Variants in GAS2 observed in about 807,000 individuals in gnomAD.
The protein encoded by GAS2 is growth arrest-specific protein 2.
GAS2 carries 20 observed loss-of-function variants against 37.5 expected under a neutral mutation model. The observed-to-expected ratio is 0.53, with a 90% confidence interval of 0.37 to 0.77. The LOEUF is 0.77. Among genes scored for constraint, GAS2 ranks in the 30% least tolerant of loss-of-function variants. The probability of loss-of-function intolerance (pLI) is 0.00; values close to 1 mark genes in which losing one functional copy is unlikely to be tolerated. For missense variants in GAS2, 336 were observed against 373.4 expected (o/e 0.90, Z 0.82); for synonymous variants, 144 against 132.2 (o/e 1.09, Z -0.61).
At chr11:22,750,318 A>G (rs1233502157) in intron 6 of GAS2, among the ~76,000 whole-genome samples, 1 of 152,080 alleles carries the variant, frequency 6.6e-6, no homozygotes, top group Non-Finnish European at 1.5e-5. Context: ...GGATGCAGAA[A>G]AAGAGATTTC....
At chr11:22,735,753 T>A (rs2134214251) in intron 4 of GAS2, among the ~76,000 whole-genome samples, 1 of 152,014 alleles carries the variant, frequency 6.6e-6, no homozygotes, top group Non-Finnish European at 1.5e-5. Flanking sequence ...AGGTATTATC[T>A]TTTATAGTTG....
chr11:22,749,235 A>G lies in GAS2; in HGVS notation c.589A>G (p.Ser197Gly), dbSNP rs763090766. Reference sequence around the variant, plus strand: ...TTCATCAAAGTCTTCTGGAAAAAAGAGTACAGGAAACTTACTGGATGATGC... The same window carrying G: ...TTCATCAAAGTCTTCTGGAAAAAAGGGTACAGGAAACTTACTGGATGATGC... ...SPSSKSSGKKSTGNLLDDAVK... is the reference protein window; with the variant it reads ...SPSSKSSGKKGTGNLLDDAVK... Residue 197 changes from serine to glycine, a missense_variant, in exon 6 of 8, where the codon AGT (serine) becomes GGT (glycine). Coordinates refer to ENST00000454584, the MANE Select transcript of GAS2 (RefSeq NM_001143830.3). 7 of 1,612,334 alleles carry G rather than the reference A, an allele frequency of 4.3e-6. No homozygotes were observed. The South Asian group carries it at 7.7e-5, about 18-fold the overall frequency.
At chr11:22,634,922 TC>T (rs1345205440) in intron 1 of GAS2, among the ~76,000 whole-genome samples, 2 of 152,202 alleles carry the variant, frequency 1.3e-5, no homozygotes, top group East Asian at 3.9e-4. Context: ...ACTCAAGACC[TC>T]CTGGTTAGCC....
intron 1 of GAS2, among the ~76,000 whole-genome samples, chr11:22,654,623 C>A (rs1848835483): frequency 6.6e-6 from 1 of 152,056 alleles, no homozygotes; most frequent in East Asian, 1.9e-4. Flanking sequence ...CTTGAACTCC[C>A]AGGCTAAAGT....
intron 1 of GAS2, among the ~76,000 whole-genome samples, chr11:22,654,662 A>T (rs2133837899): frequency 6.6e-6 from 1 of 152,284 alleles, no homozygotes; most frequent in East Asian, 1.9e-4. Context: ...TCCCAAAGTG[A>T]TAGAATTACA....
intron 7 of GAS2, 69 bp downstream of exon 7, chr11:22,756,022 A>G: frequency 9.0e-7 from 1 of 1,109,060 alleles, no homozygotes; most frequent in Non-Finnish European, 1.3e-6. Flanking sequence ...GGGAAATATG[A>G]CAGATAAGAG....
At chr11:22,796,476 A>T (rs1856433980) in intron 7 of GAS2, among the ~76,000 whole-genome samples, 1 of 151,974 alleles carries the variant, frequency 6.6e-6, no homozygotes, top group Non-Finnish European at 1.5e-5. Context: ...TTATCCTTTG[A>T]CTTTGTAACA....
intron 3 of GAS2, among the ~76,000 whole-genome samples, chr11:22,721,087 T>C (rs1452234086): frequency 6.6e-6 from 1 of 152,046 alleles, no homozygotes; most frequent in Non-Finnish European, 1.5e-5. Flanking sequence ...AAATGAGTCT[T>C]CTTTTACCTA....
intron 1 of GAS2, among the ~76,000 whole-genome samples, chr11:22,648,151 G>A (rs1374314076): frequency 6.6e-6 from 1 of 152,176 alleles, no homozygotes; most frequent in Non-Finnish European, 1.5e-5. Context: ...TGGCTAGCCA[G>A]TTTTCCCAGC....
intron 1 of GAS2, among the ~76,000 whole-genome samples, chr11:22,649,655 T>A (rs935356531): frequency 2.6e-5 from 4 of 152,224 alleles, no homozygotes; most frequent in Non-Finnish European, 5.9e-5. Context: ...GGAGAGCGTA[T>A]GTGTCGAGGA....
rs372791192 is a variant in GAS2 at position 22,797,891 on chromosome 11, T to G, written c.724-13907T>G. Among the ~76,000 whole-genome samples the G allele has an allele frequency of 3.3e-5, 5 of 152,060 alleles. No homozygotes were observed. In the East Asian group the frequency reaches 9.6e-4, roughly 29 times the overall value. On this transcript the variant is annotated intron_variant, in intron 7 of 7. Transcript: ENST00000454584. ...GGGGTTCATTCCCAGTTGGGCAATA[T>G]GATCATCAGCAAGGACTTCATAAAA...
At chr11:22,688,515 C>A (rs1227787680) in intron 3 of GAS2, 1 of 152,036 alleles carries the variant, frequency 6.6e-6, no homozygotes, top group Non-Finnish European at 1.5e-5. Flanking sequence ...TTGCCCCAAT[C>A]TCCATGATAA....
intron 1 of GAS2, among the ~76,000 whole-genome samples, chr11:22,652,612 A>G (rs1173994260): frequency 6.6e-6 from 1 of 152,200 alleles, no homozygotes; most frequent in Non-Finnish European, 1.5e-5. Context: ...GGTGGGGGAT[A>G]TAATCTCCCG....
intron 2 of GAS2, among the ~76,000 whole-genome samples, chr11:22,678,176 A>G (rs1849521291): frequency 6.6e-6 from 1 of 152,192 alleles, no homozygotes; most frequent in Non-Finnish European, 1.5e-5. Context: ...TGAGAAGTCT[A>G]CTAATAACTT....
intron 3 of GAS2, 67 bp from the exon 4 acceptor site, chr11:22,726,225 T>G: frequency 6.7e-7 from 1 of 1,498,060 alleles, no homozygotes; most frequent in Admixed American, 2.2e-5. Flanking sequence ...GTTGAAAACA[T>G]GTTTTTAAAA....
chr11:22,711,779 TA>T (rs1241982255), intron 3 of GAS2, among the ~76,000 whole-genome samples: 2 of 152,102 alleles, frequency 1.3e-5, no homozygotes, highest in African/African-American at 2.4e-5. Flanking sequence ...GAGGCAGCCA[TA>T]ATCTCCCTGG....
chr11:22,802,094 A>T (rs1564895504), intron 7 of GAS2, among the ~76,000 whole-genome samples: 1 of 152,120 alleles, frequency 6.6e-6, no homozygotes, highest in Admixed American at 6.6e-5. Flanking sequence ...AGAAACAAAG[A>T]AATGATTTAC....
intron 3 of GAS2, among the ~76,000 whole-genome samples, chr11:22,698,495 G>C (rs1046175795): frequency 3.3e-5 from 5 of 151,896 alleles, no homozygotes; most frequent in African/African-American, 9.7e-5. Context: ...TAGAAAAAGA[G>C]GGAATCCTCC....
intron 3 of GAS2, among the ~76,000 whole-genome samples, chr11:22,718,808 A>G (rs1004408226): frequency 2.0e-5 from 3 of 152,114 alleles, no homozygotes; most frequent in Admixed American, 6.6e-5. Flanking sequence ...TTAAGAAATT[A>G]ATCTCAGTCT....
Sources: allele counts gnomAD v4.1 joint callset (sites outside exome capture counted in the v4.1 genomes callset), GRCh38; gene constraint gnomAD v4.1.1; transcripts MANE v1.5; gene names NCBI Gene and HGNC (gene_info 2026-07-23, HGNC 2026-07-21).